Variants in FBXW7 observed in about 807,000 individuals in gnomAD.
FBXW7 encodes the protein F-box and WD repeat domain containing 7, also known as F-box/WD repeat-containing protein 7.
A neutral mutation model predicts 86.3 loss-of-function variants in FBXW7; 11 were observed. That is an observed-to-expected ratio of 0.13 (90% CI 0.08 to 0.21). FBXW7 has a LOEUF of 0.21. Among genes scored for constraint, FBXW7 ranks in the 10% least tolerant of loss-of-function variants. The pLI is 1.00. For synonymous variants in FBXW7, 313 were observed against 297.9 expected (o/e 1.05, Z -0.52); for missense variants, 488 against 847.4 (o/e 0.58, Z 5.27).
chr4:152,500,729 T>G (rs1316313888), intron 2 of FBXW7, among the ~76,000 whole-genome samples: 3 of 152,036 alleles, frequency 2.0e-5, no homozygotes, highest in Non-Finnish European at 2.9e-5. Flanking sequence ...GACTCAGAGT[T>G]TGGAGACTTG....
intron 2 of FBXW7, among the ~76,000 whole-genome samples, chr4:152,414,370 T>C (rs965163486): frequency 2.0e-5 from 3 of 152,068 alleles, no homozygotes; most frequent in Non-Finnish European, 4.4e-5. Flanking sequence ...CACTTGTTCA[T>C]GGTATGAGAG....
At chr4:152,401,381 A>G (rs1282583392) in intron 4 of FBXW7, among the ~76,000 whole-genome samples, 3 of 152,258 alleles carry the variant, frequency 2.0e-5, no homozygotes, top group Admixed American at 6.5e-5. Flanking sequence ...CTATCAAGCT[A>G]TAAATATACA....
At chr4:152,404,171 GC>G in intron 4 of FBXW7, among the ~76,000 whole-genome samples, 1 of 152,150 alleles carries the variant, frequency 6.6e-6, no homozygotes, top group South Asian at 2.1e-4. Flanking sequence ...GCATTCTCAT[GC>G]AGAGATCATG....
intron 2 of FBXW7, among the ~76,000 whole-genome samples, chr4:152,514,331 A>T (rs545618433): frequency 1.3e-5 from 2 of 152,190 alleles, no homozygotes; most frequent in Admixed American, 1.3e-4. Context: ...CACACCAAGG[A>T]GCATGAAACA....
intron 6 of FBXW7, among the ~76,000 whole-genome samples, chr4:152,346,130 C>T (rs548844640): frequency 4.6e-5 from 7 of 152,188 alleles, no homozygotes; most frequent in Admixed American, 2.0e-4. Flanking sequence ...AATGTAATAT[C>T]ACTATCTTAG....
At chr4:152,415,173 A>G (rs1738312870) in intron 2 of FBXW7, among the ~76,000 whole-genome samples, 2 of 152,158 alleles carry the variant, frequency 1.3e-5, no homozygotes, top group Non-Finnish European at 2.9e-5. Context: ...ATTGAACTAG[A>G]GTTGCCAGCT....
intron 2 of FBXW7, among the ~76,000 whole-genome samples, chr4:152,496,651 C>T (rs1337855694): frequency 6.6e-6 from 1 of 150,382 alleles, no homozygotes. Context: ...AGCAAGACTC[C>T]ATCTCAAAAA....
chr4:152,505,803 G>A (rs572198045), intron 2 of FBXW7, among the ~76,000 whole-genome samples: 2 of 150,968 alleles, frequency 1.3e-5, no homozygotes, highest in East Asian at 2.0e-4. Context: ...GTGTGGTGGC[G>A]CTATACTGGC....
chr4:152,431,885 C>G (rs1165054783), intron 2 of FBXW7, among the ~76,000 whole-genome samples: 1 of 152,102 alleles, frequency 6.6e-6, no homozygotes, highest in African/African-American at 2.4e-5. Context: ...TCAAAACCCT[C>G]TTCTAAAATG....
intron 2 of FBXW7, among the ~76,000 whole-genome samples, chr4:152,418,545 G>A (rs530753071): frequency 1.3e-3 from 201 of 152,286 alleles, no homozygotes; most frequent in Non-Finnish European, 2.4e-3. Context: ...TTGAACACAA[G>A]TGTAGAACTG....
intron 2 of FBXW7, among the ~76,000 whole-genome samples, chr4:152,521,353 A>C (rs1373953260): frequency 6.6e-6 from 1 of 152,206 alleles, no homozygotes. Flanking sequence ...TGAAAAGAAA[A>C]GAATATTCCA....
intron 2 of FBXW7, among the ~76,000 whole-genome samples, chr4:152,468,031 A>G (rs1282388008): frequency 6.6e-6 from 1 of 152,048 alleles, no homozygotes; most frequent in Non-Finnish European, 1.5e-5. Context: ...AAGAAGATAT[A>G]TGGTCAATAA....
chr4:152,443,595 A>G (rs1400754061), intron 2 of FBXW7, among the ~76,000 whole-genome samples: 1 of 152,190 alleles, frequency 6.6e-6, no homozygotes, highest in Non-Finnish European at 1.5e-5. Context: ...TAAGAACCCA[A>G]TTCTTTTTAA....
intron 7 of FBXW7, among the ~76,000 whole-genome samples, chr4:152,336,628 C>T (rs1313207007): frequency 6.6e-6 from 1 of 152,092 alleles, no homozygotes; most frequent in East Asian, 1.9e-4. Context: ...CTTTCATAAG[C>T]CAAATCTATT....
chr4:152,358,862 A>G (rs1303792556), intron 4 of FBXW7, among the ~76,000 whole-genome samples: 2 of 152,202 alleles, frequency 1.3e-5, no homozygotes, highest in South Asian at 2.1e-4. Context: ...TAGGTACAGA[A>G]TTAAGTGTCT....
At chr4:152,350,241 A>C in intron 4 of FBXW7, 117 bp from the exon 5 acceptor site, 1 of 477,942 alleles carries the variant, frequency 2.1e-6, no homozygotes, top group Non-Finnish European at 3.8e-6. Context: ...ATGTTAATTA[A>C]ATATATAAAA....
rs113987671 is a variant in FBXW7 at position 152,416,641 on chromosome 4, A to G, written c.-119-4112T>C. Reference sequence around the variant, plus strand: ...CTTAGTAATGTACACTAACAAAATCAGCACAAAATGGGCAATACTGGCAAG... The same window carrying G: ...CTTAGTAATGTACACTAACAAAATCGGCACAAAATGGGCAATACTGGCAAG... On this transcript the variant is annotated intron_variant, in intron 2 of 13. Coordinates refer to ENST00000281708, the MANE Select transcript of FBXW7 (RefSeq NM_001349798.2). Among the ~76,000 whole-genome samples, 223 of 152,334 alleles carry G rather than the reference A, an allele frequency of 1.5e-3. 2 individuals are homozygous for G. The highest frequency in any genetic ancestry group is 5.2e-3 in the African/African-American group (215 of 41,576).
chr4:152,416,982 T>C (rs1305812665), intron 2 of FBXW7, among the ~76,000 whole-genome samples: 1 of 152,192 alleles, frequency 6.6e-6, no homozygotes, highest in Non-Finnish European at 1.5e-5. Flanking sequence ...TGTTGGTCAC[T>C]AGCTCTCTTT....
intron 4 of FBXW7, among the ~76,000 whole-genome samples, chr4:152,366,396 A>AGT (rs1222752175): frequency 6.6e-6 from 1 of 152,166 alleles, no homozygotes; most frequent in Admixed American, 6.6e-5. Flanking sequence ...TGCTTGTTAA[A>AGT]GTACACCACT....
Sources: gnomAD v4.1 joint callset for allele counts (sites outside exome capture counted in the v4.1 genomes callset) on GRCh38, gnomAD v4.1.1 for gene constraint, MANE v1.5 for transcripts, NCBI Gene and HGNC (gene_info 2026-07-23, HGNC 2026-07-21) for gene names.